NLGN4X: variants seen among roughly 807,000 people sequenced by gnomAD.
The protein encoded by NLGN4X is neuroligin 4 X-linked.
In NLGN4X, 3 loss-of-function variants were observed where a neutral mutation model predicts 40.3. The observed-to-expected ratio is 0.07, with a 90% CI of 0.03 to 0.19. The LOEUF is 0.19. Ranked by LOEUF, NLGN4X falls within the 10% of genes least tolerant of loss-of-function variation. NLGN4X has a pLI of 1.00. For synonymous variants in NLGN4X, 270 were observed against 306.8 expected (o/e 0.88, Z 1.25); for missense variants, 382 against 708.3 (o/e 0.54, Z 5.23).
At chrX:6,126,354 T>C (rs923404802) in intron 2 of NLGN4X, among the ~76,000 whole-genome samples, 1 of 110,881 alleles carries the variant, frequency 9.0e-6, no homozygotes, top group South Asian at 3.8e-4. Flanking sequence ...GGCCATACAA[T>C]GGTACAAGTT....
chrX:6,071,381 C>T (rs2038061461), intron 2 of NLGN4X, among the ~76,000 whole-genome samples: 1 of 110,838 alleles, frequency 9.0e-6, no homozygotes, highest in African/African-American at 3.3e-5. Flanking sequence ...AGTAATACGC[C>T]CATTTTAGGT....
chrX:6,017,170 T>G, intron 3 of NLGN4X, among the ~76,000 whole-genome samples: 1 of 111,755 alleles, frequency 8.9e-6, no homozygotes, highest in Non-Finnish European at 1.9e-5. Context: ...AACGGGTCAC[T>G]TACATGGTAA....
At chrX:6,123,913 TATA>T (rs2039483732) in intron 2 of NLGN4X, among the ~76,000 whole-genome samples, 1 of 109,808 alleles carries the variant, frequency 9.1e-6, no homozygotes, top group Non-Finnish European at 1.9e-5. Context: ...AAGTGAAATC[TATA>T]ATAATGATAA....
chrX:5,998,776 T>A (rs2035899390), intron 3 of NLGN4X, among the ~76,000 whole-genome samples: 1 of 112,711 alleles, frequency 8.9e-6, no homozygotes, highest in South Asian at 3.6e-4. Flanking sequence ...AATGTGGCAT[T>A]CTTTAGACAA....
chrX:6,088,049 A>AGAGTGCAC (rs2038540298), intron 2 of NLGN4X, among the ~76,000 whole-genome samples: 1 of 112,109 alleles, frequency 8.9e-6, no homozygotes, highest in South Asian at 3.7e-4. Flanking sequence ...TTCCCAACCT[A>AGAGTGCAC]GAGTGCACCG....
chrX:5,999,151 CT>C (rs2035909751), intron 3 of NLGN4X, among the ~76,000 whole-genome samples: 1 of 111,377 alleles, frequency 9.0e-6, no homozygotes, highest in Admixed American at 9.5e-5. Flanking sequence ...CCCCACTGAT[CT>C]TTTGTGGTTA....
chrX:6,027,670 CAAAAT>C lies in NLGN4X; in HGVS notation c.625+1605_625+1609del, dbSNP rs775394333. ...CACATAGGAAAAAAAAAAACCCACT[CAAAAT>C]GAAATGAAGTCATCTGATTGAAAAG... is the stretch of plus-strand genomic sequence containing the variant. On this transcript the variant is annotated intron_variant, in intron 3 of 5. Transcript: ENST00000381095. Among the ~76,000 whole-genome samples, 138 of 109,511 alleles carry C rather than the reference CAAAAT, an allele frequency of 1.3e-3. 2 individuals are homozygous for C. The highest frequency in any genetic ancestry group is 4.5e-3 in the East Asian group (16 of 3,519).
intron 2 of NLGN4X, among the ~76,000 whole-genome samples, chrX:6,086,756 T>C (rs901022403): frequency 9.0e-6 from 1 of 111,325 alleles, no homozygotes; most frequent in African/African-American, 3.3e-5. Flanking sequence ...CTCAGTCTTC[T>C]GAGTAGCTGA....
chrX:5,971,999 C>T (rs890755146), intron 3 of NLGN4X, among the ~76,000 whole-genome samples: 6 of 111,426 alleles, frequency 5.4e-5, no homozygotes, highest in African/African-American at 2.0e-4. Flanking sequence ...ATTTGTGCTG[C>T]GAGAGCAACT....
At chrX:5,980,907 A>T (rs1338198111) in intron 3 of NLGN4X, among the ~76,000 whole-genome samples, 4 of 111,766 alleles carry the variant, frequency 3.6e-5, no homozygotes, top group Admixed American at 9.6e-5. Context: ...TAAAATTTTA[A>T]ATTTATCTTG....
chrX:5,973,034 A>C (rs5961906), intron 3 of NLGN4X, among the ~76,000 whole-genome samples: 34,023 of 111,755 alleles, frequency 0.3, 4,596 homozygotes, highest in Middle Eastern at 0.57. Context: ...CCAACAAGAG[A>C]AAGTTAAACT....
intron 3 of NLGN4X, among the ~76,000 whole-genome samples, chrX:5,919,760 C>A (rs1213199870): frequency 1.8e-5 from 2 of 111,651 alleles, no homozygotes; most frequent in Non-Finnish European, 3.8e-5. Context: ...TGAAACCGTT[C>A]CCCTACTTGG....
chrX:6,158,193 G>A (rs2040311900), intron 1 of NLGN4X, among the ~76,000 whole-genome samples: 2 of 111,610 alleles, frequency 1.8e-5, no homozygotes, highest in Admixed American at 1.9e-4. Flanking sequence ...GCATACACCT[G>A]TAGTGCCAGC....
intron 2 of NLGN4X, among the ~76,000 whole-genome samples, chrX:6,117,705 A>G (rs1215483150): frequency 8.9e-6 from 1 of 112,328 alleles, no homozygotes; most frequent in African/African-American, 3.2e-5. Context: ...CTGAAAGTCT[A>G]TTCACAGCCC....
At chrX:5,895,289 T>C (rs185637597) in intron 5 of NLGN4X, among the ~76,000 whole-genome samples, 93 of 111,570 alleles carry the variant, frequency 8.3e-4, no homozygotes, top group African/African-American at 2.7e-3. Context: ...CTGATGAAAA[T>C]ATCAGGGTTG....
At position 5,903,062 on chromosome X, in the gene NLGN4X, C is replaced by T. The variant is rs781243368; in HGVS notation, c.1601+15G>A. 3 of 1,209,469 alleles carry T rather than the reference C, an allele frequency of 2.5e-6. No homozygotes were observed. The highest frequency in any genetic ancestry group is 1.7e-5 in the African/African-American group (1 of 57,328). ...TGGCAAGGATAGTGATACCCCAACA[C>T]GAAGATGAACGTACCCAGTTTTGGC... On this transcript the variant is annotated intron_variant, in intron 5 of 5. Transcript: ENST00000381095.
intron 1 of NLGN4X, among the ~76,000 whole-genome samples, chrX:6,218,096 T>G (rs2045209): frequency 9.0e-6 from 1 of 110,682 alleles, no homozygotes; most frequent in Non-Finnish European, 1.9e-5. Flanking sequence ...GTGGGTAAAT[T>G]TGCAATACGG....
chrX:6,106,918 T>C (rs938766943), intron 2 of NLGN4X, among the ~76,000 whole-genome samples: 6 of 112,525 alleles, frequency 5.3e-5, no homozygotes, highest in African/African-American at 1.9e-4. Context: ...GACAAAGAAC[T>C]GCCTGTGCCT....
At chrX:6,197,445 A>ATTTTTTTTTTTT (rs1430016429) in intron 1 of NLGN4X, among the ~76,000 whole-genome samples, 3 of 86,707 alleles carry the variant, frequency 3.5e-5, no homozygotes, top group Non-Finnish European at 4.6e-5. Context: ...TTTTTTTTGT[A>ATTTTTTTTTTTT]TTTTTTATAG....
Sources: allele counts gnomAD v4.1 joint callset (sites outside exome capture counted in the v4.1 genomes callset), GRCh38; gene constraint gnomAD v4.1.1; transcripts MANE v1.5; gene names NCBI Gene and HGNC (gene_info 2026-07-23, HGNC 2026-07-21).